UVRAG: variants seen among roughly 807,000 people sequenced by gnomAD.
UVRAG encodes UV radiation resistance-associated gene protein.
In UVRAG, 19 loss-of-function variants were observed where a neutral mutation model predicts 78.0. The observed-to-expected ratio is 0.24, with a 90% CI of 0.17 to 0.36. The LOEUF (loss-of-function observed/expected upper bound fraction) is 0.36, where lower values mean the gene tolerates loss of function less well. Ranked by LOEUF, UVRAG falls within the 10% of genes least tolerant of loss-of-function variation. UVRAG has a pLI of 1.00. For synonymous variants in UVRAG, 323 were observed against 324.6 expected (o/e 1.00, Z 0.05); for missense variants, 740 against 853.8 (o/e 0.87, Z 1.66).
chr11:75,996,552 G>A (rs1423260789), intron 8 of UVRAG, among the ~76,000 whole-genome samples: 2 of 152,144 alleles, frequency 1.3e-5, no homozygotes, highest in African/African-American at 4.8e-5. Context: ...AGAATATATA[G>A]TATTGTTCTA....
chr11:75,949,714 T>TATACAC lies in UVRAG; in HGVS notation c.594-11729_594-11728insTACACA, dbSNP rs59607906. On this transcript the variant is annotated intron_variant, in intron 6 of 14. Transcript: ENST00000356136. ...ATACATATATATATATATATATATA[T>TATACAC]ACACACACACACACACATATACACA... 1.9e-3 allele frequency among the ~76,000 whole-genome samples: 263 copies of TATACAC among 136,862 alleles called. 4 individuals carry two copies. The highest frequency in any genetic ancestry group is 7.0e-3 in the African/African-American group (242 of 34,532). The allele number at this position is 136,862 out of a possible 152,430, so 89.8% of individuals were successfully genotyped here.
intron 13 of UVRAG, among the ~76,000 whole-genome samples, chr11:76,103,976 G>A (rs73498226): frequency 0.034 from 5,184 of 151,896 alleles, 289 homozygotes; most frequent in African/African-American, 0.12. Flanking sequence ...AAACACTTGA[G>A]GGTCTCCTTT....
At position 76,141,303 on chromosome 11, in the gene UVRAG, G is replaced by C. The variant is rs1416467733; in HGVS notation, c.1990G>C (p.Glu664Gln). ...CIPVDSAVAV[E>Q]CDEQVLGEFE... is the part of the protein sequence containing the mutation. ...CCCAGTGGACAGTGCTGTGGCAGTA[G>C]AGTGTGACGAACAAGTTCTGGGAGA... Residue 664 changes from glutamate (E) to glutamine (Q), a missense_variant, in exon 15 of 15, where the codon GAG becomes CAG. Coordinates refer to ENST00000356136, the MANE Select transcript of UVRAG (RefSeq NM_003369.4). 1.2e-6 allele frequency: 2 copies of C among 1,614,242 alleles called. No homozygotes were observed. The highest frequency in any genetic ancestry group is 1.7e-5 in the Admixed American group (1 of 60,036).
At chr11:76,098,275 T>C (rs2134439695) in intron 13 of UVRAG, among the ~76,000 whole-genome samples, 1 of 152,292 alleles carries the variant, frequency 6.6e-6, no homozygotes, top group Middle Eastern at 3.4e-3. Context: ...CTAACATTTG[T>C]AAGATACTTA....
chr11:76,020,754 A>G (rs1950231934), intron 12 of UVRAG, among the ~76,000 whole-genome samples: 2 of 140,602 alleles, frequency 1.4e-5, no homozygotes, highest in African/African-American at 5.4e-5. Context: ...TCCCATGTCC[A>G]TTGCCTCTAA....
chr11:76,022,910 A>T (rs1031824229), intron 12 of UVRAG, among the ~76,000 whole-genome samples: 1 of 151,110 alleles, frequency 6.6e-6, no homozygotes, highest in African/African-American at 2.4e-5. Flanking sequence ...TTCCTTTCTC[A>T]TTTCCTTTTC....
intron 3 of UVRAG, among the ~76,000 whole-genome samples, chr11:75,875,372 G>T (rs778090048): frequency 3.3e-5 from 5 of 151,704 alleles, no homozygotes; most frequent in Non-Finnish European, 7.4e-5. Flanking sequence ...ATTTTCATTG[G>T]GTGGATTTCT....
intron 3 of UVRAG, among the ~76,000 whole-genome samples, chr11:75,867,732 C>T (rs1946566806): frequency 1.3e-5 from 2 of 152,156 alleles, no homozygotes; most frequent in African/African-American, 4.8e-5. Context: ...ATACTCTCAC[C>T]CCCAGTCTGC....
chr11:75,963,963 T>C (rs537233645), intron 7 of UVRAG, among the ~76,000 whole-genome samples: 1 of 152,306 alleles, frequency 6.6e-6, no homozygotes, highest in South Asian at 2.1e-4. Flanking sequence ...GCACAGTTTG[T>C]GTTTCAGATT....
At chr11:76,118,789 G>A (rs917171686) in intron 14 of UVRAG, among the ~76,000 whole-genome samples, 21 of 152,080 alleles carry the variant, frequency 1.4e-4, no homozygotes, top group African/African-American at 5.1e-4. Flanking sequence ...TAAAATCCTT[G>A]TCTGATTTTG....
intron 6 of UVRAG, among the ~76,000 whole-genome samples, chr11:75,926,883 G>A (rs1948117042): frequency 6.6e-6 from 1 of 151,922 alleles, no homozygotes; most frequent in African/African-American, 2.4e-5. Context: ...AACAATTTTA[G>A]GGTAATAAGA....
At chr11:75,948,263 C>T (rs563582745) in intron 6 of UVRAG, among the ~76,000 whole-genome samples, 36 of 152,114 alleles carry the variant, frequency 2.4e-4, no homozygotes, top group East Asian at 1.2e-3. Flanking sequence ...TTTTGAAGGA[C>T]GCTATTGAAA....
intron 12 of UVRAG, among the ~76,000 whole-genome samples, chr11:76,040,544 G>GT (rs200101854): frequency 6.6e-6 from 1 of 150,516 alleles, no homozygotes; most frequent in Non-Finnish European, 1.5e-5. Flanking sequence ...TTGTTTGTTT[G>GT]TTTGTTTTGT....
chr11:76,070,699 A>G (rs139681186), intron 13 of UVRAG, among the ~76,000 whole-genome samples: 83 of 152,318 alleles, frequency 5.4e-4, no homozygotes, highest in African/African-American at 1.9e-3. Flanking sequence ...AGAGCAATGA[A>G]TAAGATACAC....
intron 13 of UVRAG, among the ~76,000 whole-genome samples, chr11:76,105,843 G>C (rs1951958781): frequency 6.6e-6 from 1 of 152,196 alleles, no homozygotes; most frequent in South Asian, 2.1e-4. Flanking sequence ...AGTATCAAGT[G>C]CTGATAACAG....
At chr11:76,022,821 T>G (rs895748213) in intron 12 of UVRAG, among the ~76,000 whole-genome samples, 1 of 152,216 alleles carries the variant, frequency 6.6e-6, no homozygotes, top group Non-Finnish European at 1.5e-5. Flanking sequence ...GTATGTCTTA[T>G]GCTTTTTTTG....
chr11:75,956,848 T>C (rs571158542), intron 6 of UVRAG, among the ~76,000 whole-genome samples: 1 of 152,268 alleles, frequency 6.6e-6, no homozygotes, highest in South Asian at 2.1e-4. Flanking sequence ...TTTGAGTGAC[T>C]TTTCCTGTGC....
intron 8 of UVRAG, among the ~76,000 whole-genome samples, chr11:75,992,610 G>T (rs1197250362): frequency 6.6e-6 from 1 of 152,138 alleles, no homozygotes; most frequent in Admixed American, 6.5e-5. Context: ...GCTGGATACA[G>T]ATAACCACAT....
intron 12 of UVRAG, among the ~76,000 whole-genome samples, chr11:76,033,571 A>G (rs79339047): frequency 0.032 from 4,925 of 152,232 alleles, 133 homozygotes; most frequent in Non-Finnish European, 0.051. Flanking sequence ...AACCTTGTCT[A>G]TAATTCATAG....
Sources: gnomAD v4.1 joint callset for allele counts (sites outside exome capture counted in the v4.1 genomes callset) on GRCh38, gnomAD v4.1.1 for gene constraint, MANE v1.5 for transcripts, NCBI Gene and HGNC (gene_info 2026-07-23, HGNC 2026-07-21) for gene names.